The following SLC12A2 variants were observed in gnomAD, a reference collection of about 807,000 sequenced individuals.
SLC12A2 encodes the protein solute carrier family 12 member 2.
Under a neutral mutation model 136.3 loss-of-function variants are expected in SLC12A2, and 67 were observed. The observed-to-expected ratio is 0.49, with a 90% CI of 0.40 to 0.60. The LOEUF (loss-of-function observed/expected upper bound fraction) is 0.60, where lower values mean the gene tolerates loss of function less well. SLC12A2 is among the 20% of genes least tolerant of loss of function. The probability of loss-of-function intolerance (pLI) is 0.00; values close to 1 mark genes in which losing one functional copy is unlikely to be tolerated. For missense variants in SLC12A2, 1,322 were observed against 1,534.7 expected (o/e 0.86, Z 2.32); for synonymous variants, 619 against 562.9 (o/e 1.10, Z -1.41).
chr5:128,138,544 T>C, intron 7 of SLC12A2, 53 bp from the exon 8 acceptor site: 1 of 1,526,930 alleles, frequency 6.5e-7, no homozygotes, highest in Non-Finnish European at 8.9e-7. Flanking sequence ...ACCTCAGTTA[T>C]TATAGTCTAA....
At position 128,174,683 on chromosome 5, in the gene SLC12A2, C is replaced by T. The variant is rs761112010; in HGVS notation, c.2929+17C>T. 2 of 1,552,786 alleles carry T rather than the reference C, an allele frequency of 1.3e-6. No homozygotes were observed. Among genetic ancestry groups the T allele is most frequent in the East Asian group, 4.6e-5 (2 of 43,460 alleles). ...CACACAAAGGTAATTTTCATTCAAA[C>T]AATAAGTCTTATTAATAGTAATGTT... On this transcript the variant is annotated intron_variant, in intron 20 of 26. Coordinates refer to ENST00000262461, the MANE Select transcript of SLC12A2 (RefSeq NM_001046.3).
intron 1 of SLC12A2, among the ~76,000 whole-genome samples, chr5:128,098,034 C>G (rs1295279075): frequency 1.3e-5 from 2 of 152,006 alleles, no homozygotes; most frequent in Non-Finnish European, 2.9e-5. Context: ...TTTGGTGTTT[C>G]TGGTAGGAAG....
chr5:128,111,646 T>G (rs1280415371), intron 1 of SLC12A2, among the ~76,000 whole-genome samples: 1 of 151,384 alleles, frequency 6.6e-6, no homozygotes, highest in Non-Finnish European at 1.5e-5. Flanking sequence ...GCGCCTGTAG[T>G]CCCAGCTACT....
At chr5:128,095,397 G>A (rs1760492803) in intron 1 of SLC12A2, among the ~76,000 whole-genome samples, 1 of 151,992 alleles carries the variant, frequency 6.6e-6, no homozygotes, top group South Asian at 2.1e-4. Flanking sequence ...ACCTGGTAGG[G>A]CAGAATCTTT....
intron 4 of SLC12A2, among the ~76,000 whole-genome samples, chr5:128,130,000 C>G (rs1331115678): frequency 6.7e-6 from 1 of 149,798 alleles, no homozygotes; most frequent in Non-Finnish European, 1.5e-5. Context: ...AACTACATCT[C>G]TTTGGAATAC....
intron 10 of SLC12A2, among the ~76,000 whole-genome samples, chr5:128,146,814 C>T (rs1235725620): frequency 1.3e-5 from 2 of 151,584 alleles, no homozygotes; most frequent in Non-Finnish European, 3.0e-5. Context: ...AAGAAACAGC[C>T]TTCCTAATAG....
chr5:128,167,410 C>G (rs1419793439), intron 17 of SLC12A2, among the ~76,000 whole-genome samples: 1 of 151,940 alleles, frequency 6.6e-6, no homozygotes, highest in Non-Finnish European at 1.5e-5. Flanking sequence ...TGGCTGTTAT[C>G]ACAATATATA....
chr5:128,142,098 T>C, intron 10 of SLC12A2, 117 bp downstream of exon 10: 1 of 831,518 alleles, frequency 1.2e-6, no homozygotes, highest in Non-Finnish European at 1.8e-6. Flanking sequence ...GTTGTTATTT[T>C]TTTTAATTTT....
At chr5:128,176,528 G>A (rs751759337) in intron 20 of SLC12A2, among the ~76,000 whole-genome samples, 26 of 151,818 alleles carry the variant, frequency 1.7e-4, no homozygotes, top group African/African-American at 3.1e-4. Flanking sequence ...TAATGCACAC[G>A]TATATACATA....
intron 17 of SLC12A2, 60 bp downstream of exon 17, chr5:128,161,860 CTT>C: frequency 8.8e-7 from 1 of 1,135,720 alleles, no homozygotes; most frequent in African/African-American, 1.6e-5. Flanking sequence ...CTTTTTAAAA[CTT>C]TTTAATTCTA....
rs1324039280 is a variant in SLC12A2 at position 128,138,642 on chromosome 5, A to G, written c.1454A>G (p.Glu485Gly). Residue 485 changes from glutamate (E) to glycine (G), a missense_variant, in exon 8 of 27, where the codon GAG becomes GGG. Transcript: ENST00000262461. ...TTTGGGCCCGATTTTCGAGAGGAAG[A>G]GACTTTCTTTTCTGTATTTGCCATC... Reference protein sequence around the residue: ...ENFGPDFREEETFFSVFAIFF... With the variant: ...ENFGPDFREEGTFFSVFAIFF... 2.7e-5 allele frequency: 43 copies of G among 1,613,416 alleles called. No individual in the cohort carries two copies. Among genetic ancestry groups the G allele is most frequent in the Non-Finnish European group, 3.6e-5 (42 of 1,179,814 alleles).
At chr5:128,110,996 G>A in intron 1 of SLC12A2, 1 of 751,820 alleles carries the variant, frequency 1.3e-6, no homozygotes, top group Non-Finnish European at 2.4e-6. Context: ...GATGAACTCT[G>A]ATATGCAAAA....
intron 20 of SLC12A2, among the ~76,000 whole-genome samples, chr5:128,175,150 C>G (rs1419973489): frequency 6.6e-6 from 1 of 152,004 alleles, no homozygotes; most frequent in East Asian, 1.9e-4. Flanking sequence ...AGCTGACACG[C>G]AACAAGAAAA....
chr5:128,177,765 G>C (rs1443218361), intron 21 of SLC12A2: 1 of 152,122 alleles, frequency 6.6e-6, no homozygotes, highest in African/African-American at 2.4e-5. Context: ...AGATGTCCTC[G>C]TATGGATTTC....
intron 2 of SLC12A2, among the ~76,000 whole-genome samples, chr5:128,113,781 G>A (rs186447357): frequency 7.9e-4 from 120 of 152,134 alleles, no homozygotes; most frequent in African/African-American, 2.6e-3. Context: ...ATTTTGTATC[G>A]ACAAATATTA....
chr5:128,131,339 G>A (rs1762016261), intron 5 of SLC12A2, 133 bp downstream of exon 5: 1 of 905,924 alleles, frequency 1.1e-6, no homozygotes, highest in Non-Finnish European at 1.7e-6. Context: ...GTTTACTACA[G>A]GAGATAGGCA....
At chr5:128,090,802 G>A (rs75184538) in intron 1 of SLC12A2, among the ~76,000 whole-genome samples, 1 of 152,142 alleles carries the variant, frequency 6.6e-6, no homozygotes, top group Non-Finnish European at 1.5e-5. Context: ...AGTGTGCTTG[G>A]TGTGATGGAG....
rs560519738 is a variant in SLC12A2, at chr5:128,159,761, G to T, written c.2475+1597G>T. Among the ~76,000 whole-genome samples, 5 of 152,324 alleles carry T rather than the reference G, an allele frequency of 3.3e-5. No homozygotes were observed. The East Asian group carries it at 7.7e-4, about 24-fold the overall frequency. On this transcript the variant is annotated intron_variant, in intron 16 of 26. Transcript: ENST00000262461. ...CAACAGATGCTGGCAAGGATGTGGA[G>T]AAATAGGATCACTTTTACACTGTTG...
intron 14 of SLC12A2, among the ~76,000 whole-genome samples, 181 bp downstream of exon 14, chr5:128,151,577 T>C (rs1189184490): frequency 6.6e-6 from 1 of 151,898 alleles, no homozygotes; most frequent in Non-Finnish European, 1.5e-5. Flanking sequence ...TTCAAATACA[T>C]GTAGTTTTAA....
Sources: allele counts gnomAD v4.1 joint callset (sites outside exome capture counted in the v4.1 genomes callset), GRCh38; gene constraint gnomAD v4.1.1; transcripts MANE v1.5; gene names NCBI Gene and HGNC (gene_info 2026-07-23, HGNC 2026-07-21).